The following FOXP2 variants were observed in gnomAD, a reference collection of about 807,000 sequenced individuals.
FOXP2 encodes forkhead box P2, also known as forkhead box protein P2.
Under a neutral mutation model 115.8 loss-of-function variants are expected in FOXP2, and 12 were observed. The observed-to-expected ratio is 0.10, with a 90% CI of 0.07 to 0.17. FOXP2 has a LOEUF of 0.17. Ranked by LOEUF, FOXP2 falls within the 10% of genes least tolerant of loss-of-function variation. FOXP2 has a pLI of 1.00. For missense variants in FOXP2, 629 were observed against 843.5 expected (o/e 0.75, Z 3.15); for synonymous variants, 328 against 297.7 (o/e 1.10, Z -1.05).
intron 2 of FOXP2, among the ~76,000 whole-genome samples, chr7:114,338,748 TCACACACA>T (rs56411270): frequency 0.021 from 3,039 of 146,360 alleles, 62 homozygotes; most frequent in East Asian, 0.055. Context: ...GTCAAGATGT[TCACACACA>T]CACACACACA....
chr7:114,188,208 A>G (rs1034471302), intron 1 of FOXP2, among the ~76,000 whole-genome samples: 2 of 152,196 alleles, frequency 1.3e-5, no homozygotes, highest in Non-Finnish European at 2.9e-5. Context: ...CCTCAATGTG[A>G]AAGTCTTTAC....
At chr7:114,474,761 C>A (rs555699827) in intron 2 of FOXP2, among the ~76,000 whole-genome samples, 1 of 152,136 alleles carries the variant, frequency 6.6e-6, no homozygotes, top group South Asian at 2.1e-4. Flanking sequence ...ACCAGCATTC[C>A]CTCTGCTATT....
chr7:114,668,629 A>G (rs1358573340), intron 16 of FOXP2: 1 of 152,118 alleles, frequency 6.6e-6, no homozygotes. Flanking sequence ...ATTTTGGACT[A>G]ATACTTTGTG....
chr7:114,665,568 T>C (rs557393395), intron 16 of FOXP2: 3 of 152,272 alleles, frequency 2.0e-5, no homozygotes, highest in Admixed American at 2.0e-4. Context: ...TTTAAGAGCA[T>C]ATGTCTAATT....
chr7:114,522,175 T>C (rs921580458), intron 2 of FOXP2, among the ~76,000 whole-genome samples: 2 of 152,156 alleles, frequency 1.3e-5, no homozygotes, highest in East Asian at 1.9e-4. Context: ...GGTTCTTCAA[T>C]AGAAATGCTT....
At chr7:114,506,613 TTTTTTA>T in intron 2 of FOXP2, among the ~76,000 whole-genome samples, 1 of 151,780 alleles carries the variant, frequency 6.6e-6, no homozygotes, top group Non-Finnish European at 1.5e-5. Context: ...TGTTTTCCCA[TTTTTTA>T]TTTTTATAAT....
intron 1 of FOXP2, among the ~76,000 whole-genome samples, chr7:114,418,548 A>C (rs1176115021): frequency 6.6e-6 from 1 of 151,864 alleles, no homozygotes; most frequent in Non-Finnish European, 1.5e-5. Flanking sequence ...TAGGAACCAT[A>C]GAAGAAAAAA....
intron 2 of FOXP2, among the ~76,000 whole-genome samples, chr7:114,349,541 T>C (rs1444922978): frequency 6.6e-6 from 1 of 152,118 alleles, no homozygotes; most frequent in Non-Finnish European, 1.5e-5. Flanking sequence ...AGTAGATATT[T>C]GATTGTATGA....
chr7:114,336,642 A>G (rs938487611), intron 2 of FOXP2, among the ~76,000 whole-genome samples: 7 of 151,542 alleles, frequency 4.6e-5, no homozygotes, highest in African/African-American at 1.7e-4. Flanking sequence ...TTTGCATAAT[A>G]CTTTTCACAT....
intron 1 of FOXP2, among the ~76,000 whole-genome samples, chr7:114,164,601 A>G (rs1792928298): frequency 6.6e-6 from 1 of 152,068 alleles, no homozygotes; most frequent in South Asian, 2.1e-4. Flanking sequence ...CAGCCTCCCA[A>G]ACTGCTGGGA....
At chr7:114,148,497 AT>A (rs1792440964) in intron 1 of FOXP2, among the ~76,000 whole-genome samples, 1 of 152,122 alleles carries the variant, frequency 6.6e-6, no homozygotes, top group Non-Finnish European at 1.5e-5. Flanking sequence ...ACATATTTAG[AT>A]GCCCAAATGC....
At chr7:114,153,574 T>C (rs1167811656) in intron 1 of FOXP2, among the ~76,000 whole-genome samples, 1 of 152,194 alleles carries the variant, frequency 6.6e-6, no homozygotes, top group African/African-American at 2.4e-5. Context: ...AATTCTTTCC[T>C]GACCTTTTAA....
intron 1 of FOXP2, among the ~76,000 whole-genome samples, chr7:114,254,681 G>A (rs1795556292): frequency 6.6e-6 from 1 of 152,110 alleles, no homozygotes; most frequent in Non-Finnish European, 1.5e-5. Flanking sequence ...GGTTATTCTA[G>A]TTAGCCATTC....
rs1369873314 is a variant in FOXP2, at chr7:114,654,018, A to C, written c.1266+9A>C. The C allele has an allele frequency of 5.0e-6, 8 of 1,613,106 alleles. No individual in the cohort carries two copies. Among genetic ancestry groups the C allele is most frequent in the Non-Finnish European group, 6.8e-6 (8 of 1,179,354 alleles). On this transcript the variant is annotated intron_variant, in intron 10 of 16. Transcript: ENST00000350908. ...AACCATCTCCCAAACCTGTAAGTGC[A>C]TATTGCTTTATAAACAGTAAATAGC...
intron 2 of FOXP2, among the ~76,000 whole-genome samples, chr7:114,377,738 A>G (rs1037221581): frequency 2.0e-5 from 3 of 152,194 alleles, no homozygotes; most frequent in Non-Finnish European, 4.4e-5. Context: ...CCCTTTTGAA[A>G]CATTCTCTTC....
chr7:114,498,816 A>T (rs973151597), intron 2 of FOXP2: 14 of 717,010 alleles, frequency 2.0e-5, no homozygotes, highest in Middle Eastern at 2.3e-4. Context: ...TGTCAGGATG[A>T]TTTCATGTTG....
chr7:114,145,431 TTTTTCTTTTC>T (rs61612673), intron 1 of FOXP2, among the ~76,000 whole-genome samples: 1,060 of 100,446 alleles, frequency 0.011, 14 homozygotes, highest in Middle Eastern at 0.053. Context: ...GCTTTGCCAT[TTTTTCTTTTC>T]TTTTCTTTTC....
At chr7:114,245,457 C>CT in intron 1 of FOXP2, among the ~76,000 whole-genome samples, 1 of 152,174 alleles carries the variant, frequency 6.6e-6, no homozygotes, top group Non-Finnish European at 1.5e-5. Context: ...GCCTCACATA[C>CT]TTTCACAAAA....
intron 1 of FOXP2, among the ~76,000 whole-genome samples, chr7:114,090,941 T>C (rs1462543205): frequency 2.0e-5 from 3 of 151,732 alleles, no homozygotes; most frequent in Admixed American, 2.0e-4. Flanking sequence ...CAGCTAAGCA[T>C]AGTTAGAAGG....
Sources: allele counts gnomAD v4.1 joint callset (sites outside exome capture counted in the v4.1 genomes callset), GRCh38; gene constraint gnomAD v4.1.1; transcripts MANE v1.5; gene names NCBI Gene and HGNC (gene_info 2026-07-23, HGNC 2026-07-21).